The following KCNMA1 variants were observed in gnomAD, a reference collection of about 807,000 sequenced individuals.
The protein encoded by KCNMA1 is Calcium-activated potassium channel subunit alpha-1.
A neutral mutation model predicts 140.0 loss-of-function variants in KCNMA1; 29 were observed. The observed-to-expected ratio is 0.21, with a 90% confidence interval of 0.15 to 0.28. KCNMA1 has a LOEUF of 0.28. KCNMA1 is among the 10% of genes least tolerant of loss of function. The probability of loss-of-function intolerance (pLI) is 1.00; values close to 1 mark genes in which losing one functional copy is unlikely to be tolerated. For missense variants in KCNMA1, 880 were observed against 1,602.2 expected, an observed-to-expected ratio of 0.55 and a Z score of 7.70; for synonymous variants, 612 against 611.9, an observed-to-expected ratio of 1.00 and a Z score of 0.00.
rs900994916 is a variant in KCNMA1 at position 77,637,772 on chromosome 10, G to C, written c.-130C>G. ...GCCGCCGCCGCCGCGGAGCGCGGGAGGGGGGCGGGGAGGCGCCTGGGCTCG... is the reference window on the plus strand; with the variant it reads ...GCCGCCGCCGCCGCGGAGCGCGGGACGGGGGCGGGGAGGCGCCTGGGCTCG... On this transcript the variant is annotated 5_prime_UTR_variant, in exon 1 of 28. Transcript: ENST00000286628. 21 of 1,299,012 alleles carry C rather than the reference G, an allele frequency of 1.6e-5. No individual in the cohort carries two copies. Among genetic ancestry groups the C allele is most frequent in the East Asian group, 3.2e-5 (1 of 31,186 alleles). 80.5% of individuals were successfully genotyped at this position (1,299,012 alleles called of 1,614,324 possible).
At chr10:77,045,096 A>G (rs2094962138) in intron 14 of KCNMA1, among the ~76,000 whole-genome samples, 1 of 152,212 alleles carries the variant, frequency 6.6e-6, no homozygotes, top group Non-Finnish European at 1.5e-5. Context: ...TATGGTTTCT[A>G]TTATACAAAA....
chr10:77,444,178 C>T (rs1006400588), intron 1 of KCNMA1, among the ~76,000 whole-genome samples: 4 of 152,030 alleles, frequency 2.6e-5, no homozygotes, highest in East Asian at 3.9e-4. Context: ...TGCAAAGGAC[C>T]GTTTTGAGAC....
intron 4 of KCNMA1, among the ~76,000 whole-genome samples, chr10:77,183,778 C>T (rs1032414858): frequency 3.9e-5 from 6 of 152,116 alleles, no homozygotes; most frequent in African/African-American, 1.4e-4. Context: ...TGAGTCACTG[C>T]ACTCGGCCTA....
chr10:77,466,104 A>G (rs2098003274), intron 1 of KCNMA1, among the ~76,000 whole-genome samples: 1 of 152,186 alleles, frequency 6.6e-6, no homozygotes, highest in African/African-American at 2.4e-5. Flanking sequence ...CCAGGGCTGC[A>G]TCCACCTCTT....
At chr10:77,342,626 C>T (rs2091213107) in intron 2 of KCNMA1, among the ~76,000 whole-genome samples, 1 of 152,212 alleles carries the variant, frequency 6.6e-6, no homozygotes, top group South Asian at 2.1e-4. Flanking sequence ...CACACGAATG[C>T]TTCTCCTTGG....
chr10:77,505,686 T>G (rs1567206255), intron 1 of KCNMA1, among the ~76,000 whole-genome samples: 1 of 152,204 alleles, frequency 6.6e-6, no homozygotes, highest in East Asian at 1.9e-4. Context: ...TTATGTGGGT[T>G]GCAGCCCAGG....
chr10:77,431,140 T>A (rs2097143725), intron 1 of KCNMA1, among the ~76,000 whole-genome samples: 2 of 152,162 alleles, frequency 1.3e-5, no homozygotes, highest in Admixed American at 6.5e-5. Context: ...CAGCCCAATG[T>A]CCCTCCTGAA....
At chr10:77,333,376 G>A (rs1248320870) in intron 2 of KCNMA1, among the ~76,000 whole-genome samples, 11 of 130,024 alleles carry the variant, frequency 8.5e-5, no homozygotes, top group African/African-American at 1.2e-4. Flanking sequence ...AAAAAAGAAA[G>A]AAAGAGAGAA....
intron 23 of KCNMA1, among the ~76,000 whole-genome samples, chr10:76,936,296 A>G (rs531594896): frequency 1.3e-5 from 2 of 152,188 alleles, no homozygotes; most frequent in Non-Finnish European, 1.5e-5. Flanking sequence ...GAAATGTACT[A>G]CTCTTATTAT....
chr10:77,273,121 T>C (rs1318446318), intron 2 of KCNMA1, among the ~76,000 whole-genome samples: 1 of 152,202 alleles, frequency 6.6e-6, no homozygotes, highest in Non-Finnish European at 1.5e-5. Flanking sequence ...ATATCTTCTA[T>C]AAGGTAGCTG....
At chr10:77,362,989 C>T (rs1158555418) in intron 2 of KCNMA1, among the ~76,000 whole-genome samples, 2 of 152,320 alleles carry the variant, frequency 1.3e-5, no homozygotes, top group South Asian at 2.1e-4. Flanking sequence ...TAGCTTGCGC[C>T]GTCTCCCAAT....
intron 1 of KCNMA1, among the ~76,000 whole-genome samples, chr10:77,609,601 CA>C (rs1200516841): frequency 6.6e-6 from 1 of 152,022 alleles, no homozygotes; most frequent in East Asian, 1.9e-4. Context: ...GTTCTCACCA[CA>C]AAAAATAGGT....
At chr10:77,425,109 GTGGA>G (rs200540048) in intron 1 of KCNMA1, among the ~76,000 whole-genome samples, 17,523 of 150,100 alleles carry the variant, frequency 0.12, 1,418 homozygotes, top group South Asian at 0.22. Flanking sequence ...GGATGGATGA[GTGGA>G]TGGATGGATG....
intron 3 of KCNMA1, among the ~76,000 whole-genome samples, chr10:77,224,877 G>A (rs1186084857): frequency 1.3e-5 from 2 of 152,146 alleles, no homozygotes; most frequent in Non-Finnish European, 2.9e-5. Context: ...TGCTTAGAAC[G>A]TGGACTAGAA....
Position 77,108,049 on chromosome 10 carries a change from T to C in KCNMA1, c.1223+432A>G, listed in dbSNP as rs915898630. 1.3e-5 allele frequency among the ~76,000 whole-genome samples: 2 copies of C among 152,192 alleles called. No homozygotes were observed. Among genetic ancestry groups the C allele is most frequent in the Non-Finnish European group, 2.9e-5 (2 of 68,040 alleles). On this transcript the variant is annotated intron_variant, in intron 9 of 27. Transcript: ENST00000286628. The surrounding 1 kb of genome is among the most constrained non-coding windows in gnomAD (Gnocchi z 4.6). The stretch of plus-strand genomic sequence containing the variant: ...GTCAGAAGAGAAAATATGGGCCCAG[T>C]TATAAATGGACTCCTTTCAGGATAA...
rs2096499637 is a variant in KCNMA1 at position 77,079,396 on chromosome 10, G to GTGTGTA, written c.1593+84_1593+85insTACACA. 34 of 777,434 alleles carry GTGTGTA rather than the reference G, an allele frequency of 4.4e-5. No individual in the cohort carries two copies. In the South Asian group the frequency reaches 4.4e-4, roughly 10 times the overall value. The allele number at this position is 777,434 out of a possible 1,614,324, so 48.2% of individuals were successfully genotyped here. On this transcript the variant is annotated intron_variant, in intron 13 of 27. Coordinates refer to ENST00000286628, the MANE Select transcript of KCNMA1 (RefSeq NM_001161352.2). ...TGTGTGTGTGTGTGTGTGTGTGTGT[G>GTGTGTA]TGTGTGTGAGCCTGTATAATGAGGA...
intron 2 of KCNMA1, among the ~76,000 whole-genome samples, chr10:77,340,242 G>A (rs1184438372): frequency 6.6e-6 from 1 of 152,162 alleles, no homozygotes; most frequent in East Asian, 1.9e-4. Flanking sequence ...GGAGAAATAG[G>A]AACACTTTTA....
chr10:77,362,851 T>G (rs2094087850), intron 2 of KCNMA1, among the ~76,000 whole-genome samples: 1 of 152,256 alleles, frequency 6.6e-6, no homozygotes, highest in African/African-American at 2.4e-5. Context: ...AAAGACATAG[T>G]GCCTGCTGCT....
chr10:76,938,448 T>C (rs1262635299), intron 23 of KCNMA1, among the ~76,000 whole-genome samples: 2 of 152,178 alleles, frequency 1.3e-5, no homozygotes, highest in Non-Finnish European at 2.9e-5. Context: ...CAGTCCAAGG[T>C]TTCAGGCTTC....
Sources: allele counts gnomAD v4.1 joint callset (sites outside exome capture counted in the v4.1 genomes callset), GRCh38; gene constraint gnomAD v4.1.1; non-coding constraint Gnocchi (gnomAD v3.1); transcripts MANE v1.5; gene names NCBI Gene and HGNC (gene_info 2026-07-23, HGNC 2026-07-21).